The following DYRK1A variants were observed in gnomAD, a reference collection of about 807,000 sequenced individuals.
The protein encoded by DYRK1A is dual specificity tyrosine-phosphorylation-regulated kinase 1A.
In DYRK1A, 9 loss-of-function variants were observed where a neutral mutation model predicts 79.7. The observed-to-expected ratio is 0.11, with a 90% CI of 0.07 to 0.20. DYRK1A has a LOEUF of 0.20. Among genes scored for constraint, DYRK1A ranks in the 10% least tolerant of loss-of-function variants. The probability of loss-of-function intolerance (pLI) is 1.00; values close to 1 mark genes in which losing one functional copy is unlikely to be tolerated. For missense variants in DYRK1A, 622 were observed against 956.0 expected (o/e 0.65, Z 4.61); for synonymous variants, 349 against 329.7 (o/e 1.06, Z -0.63).
At chr21:37,422,476 T>C (rs1198074327) in intron 2 of DYRK1A, among the ~76,000 whole-genome samples, 4 of 152,190 alleles carry the variant, frequency 2.6e-5, no homozygotes, top group African/African-American at 9.7e-5. Flanking sequence ...AGTGGTCTGC[T>C]TTCTCTGGGC....
chr21:37,504,369 C>T (rs996361303), intron 9 of DYRK1A: 2 of 152,404 alleles, frequency 1.3e-5, no homozygotes, highest in Admixed American at 1.3e-4. Flanking sequence ...TCTTCTCGCT[C>T]ATCTGTGGCT....
chr21:37,422,910 A>C (rs2050514908), intron 2 of DYRK1A, among the ~76,000 whole-genome samples: 1 of 152,146 alleles, frequency 6.6e-6, no homozygotes, highest in African/African-American at 2.4e-5. Context: ...ACTTAATTTG[A>C]GAATCTTTTT....
intron 2 of DYRK1A, among the ~76,000 whole-genome samples, chr21:37,463,119 T>C (rs1490004091): frequency 6.6e-6 from 1 of 152,136 alleles, no homozygotes; most frequent in Non-Finnish European, 1.5e-5. Context: ...TCATTGTGTT[T>C]CTAGATAATT....
intron 2 of DYRK1A, among the ~76,000 whole-genome samples, chr21:37,448,895 G>A (rs566764129): frequency 1.2e-4 from 18 of 152,138 alleles, no homozygotes; most frequent in Admixed American, 5.9e-4. Flanking sequence ...ATGAGGTTTC[G>A]CTATGTTGTC....
At position 37,512,838 on chromosome 21, in the gene DYRK1A, A is replaced by G. The variant is rs1217243291; in HGVS notation, c.*307A>G. ...GTCTTTCTATTCAGCAAAAGTTAAT[A>G]TTCAGATGTTGGTCTTGGTCATTTG... is the stretch of plus-strand genomic sequence containing the variant. On this transcript the variant is annotated 3_prime_UTR_variant, in exon 12 of 12. Transcript: ENST00000647188. The G allele has an allele frequency of 1.5e-5, 5 of 326,862 alleles. No individual in the cohort carries two copies. The highest frequency in any genetic ancestry group is 4.2e-5 in the African/African-American group (2 of 47,640). The allele number at this position is 326,862 out of a possible 1,614,324, so 20.2% of individuals were successfully genotyped here. A position where few individuals can be genotyped will look rare whatever the true frequency, so the allele number is the denominator to read the frequency against.
intron 2 of DYRK1A, among the ~76,000 whole-genome samples, chr21:37,453,126 A>G (rs1038575481): frequency 1.4e-4 from 21 of 152,192 alleles, no homozygotes; most frequent in Non-Finnish European, 2.2e-4. Context: ...AAAAGAAAAA[A>G]GTACAAAGCA....
At chr21:37,369,225 CAG>C (rs554126658) in intron 1 of DYRK1A, among the ~76,000 whole-genome samples, 10 of 152,248 alleles carry the variant, frequency 6.6e-5, no homozygotes, top group South Asian at 2.1e-4. Context: ...TTTAATAACT[CAG>C]GGGAATTACC....
intron 8 of DYRK1A, among the ~76,000 whole-genome samples, chr21:37,494,728 A>G (rs1377166454): frequency 2.0e-5 from 3 of 151,894 alleles, no homozygotes; most frequent in African/African-American, 7.3e-5. Flanking sequence ...CAGGCAGATC[A>G]CTTGAGGTCA....
In DYRK1A at chr21:37,506,237, T is replaced by C. The variant is rs2053594295; in HGVS notation, c.1644+14T>C. On this transcript the variant is annotated intron_variant, in intron 11 of 11. Coordinates refer to ENST00000647188, the MANE Select transcript of DYRK1A (RefSeq NM_001347721.2). ...CACAGTCCCCAGGTGAGCTCGCACG[T>C]GGTTCATTTGCTTGTGTCACCTGCC... The C allele has an allele frequency of 6.2e-7, 1 of 1,613,918 alleles. No individual in the cohort carries two copies. Among genetic ancestry groups the C allele is most frequent in the Non-Finnish European group, 8.5e-7 (1 of 1,179,942 alleles).
chr21:37,413,902 A>G (rs1177907249), intron 1 of DYRK1A, among the ~76,000 whole-genome samples: 2 of 152,138 alleles, frequency 1.3e-5, no homozygotes, highest in Non-Finnish European at 2.9e-5. Context: ...CTGTTAGCAG[A>G]GGGGAAGAAG....
chr21:37,469,417 A>T (rs925134252), intron 2 of DYRK1A, among the ~76,000 whole-genome samples: 1 of 152,222 alleles, frequency 6.6e-6, no homozygotes, highest in Admixed American at 6.5e-5. Context: ...GACAAACTGC[A>T]GTTTATAGGC....
Position 37,403,663 on chromosome 21 carries a change from A to ATGTGTG in DYRK1A, c.-76-16604_-76-16599dup, listed in dbSNP as rs761056038. ...AAAAAAAAAAAATATATATATATATATGTGTGTGTGTGTGTGTGTGTGTGT... is the reference window on the plus strand; with the variant it reads ...AAAAAAAAAAAATATATATATATATATGTGTGTGTGTGTGTGTGTGTGTGTGTGTGT... On this transcript the variant is annotated intron_variant, in intron 1 of 11. Coordinates refer to ENST00000647188, the MANE Select transcript of DYRK1A (RefSeq NM_001347721.2). 1.7e-3 allele frequency among the ~76,000 whole-genome samples: 201 copies of ATGTGTG among 121,540 alleles called. 1 individual carries two copies. The highest frequency in any genetic ancestry group is 6.3e-3 in the South Asian group (21 of 3,350). The allele number at this position is 121,540 out of a possible 152,430, so 79.7% of individuals were successfully genotyped here. A position where few individuals can be genotyped will look rare whatever the true frequency, so the allele number is the denominator to read the frequency against.
chr21:37,477,424 T>G (rs946868113), intron 3 of DYRK1A, among the ~76,000 whole-genome samples: 2 of 152,158 alleles, frequency 1.3e-5, no homozygotes, highest in Non-Finnish European at 2.9e-5. Context: ...TGGACAGCAA[T>G]CCAGGATCAT....
intron 4 of DYRK1A, among the ~76,000 whole-genome samples, chr21:37,479,767 A>G (rs1306753387): frequency 1.3e-5 from 2 of 151,530 alleles, no homozygotes; most frequent in African/African-American, 4.8e-5. Context: ...AGCTGGGACT[A>G]CAGGTGCCCG....
At chr21:37,454,085 CTTTTT>C (rs571859735) in intron 2 of DYRK1A, among the ~76,000 whole-genome samples, 24 of 59,622 alleles carry the variant, frequency 4.0e-4, no homozygotes, top group East Asian at 1.2e-3. Flanking sequence ...ATGTAGTCTC[CTTTTT>C]TTTTTTTTTT....
At chr21:37,427,098 A>G (rs2050647154) in intron 2 of DYRK1A, among the ~76,000 whole-genome samples, 1 of 152,150 alleles carries the variant, frequency 6.6e-6, no homozygotes, top group Non-Finnish European at 1.5e-5. Flanking sequence ...ACTCAAGAAA[A>G]TTTGTTGAAA....
intron 1 of DYRK1A, among the ~76,000 whole-genome samples, chr21:37,388,119 T>C (rs1195193535): frequency 7.0e-6 from 1 of 143,266 alleles, no homozygotes; most frequent in Admixed American, 6.9e-5. Context: ...TTTTTTTTTT[T>C]TTTACTCTTG....
chr21:37,370,187 A>G (rs1388756865), intron 1 of DYRK1A, among the ~76,000 whole-genome samples: 2 of 151,952 alleles, frequency 1.3e-5, no homozygotes, highest in Non-Finnish European at 2.9e-5. Flanking sequence ...AATTCAAGAT[A>G]CCTTGTTATA....
intron 2 of DYRK1A, among the ~76,000 whole-genome samples, chr21:37,462,650 T>C (rs1569344557): frequency 6.6e-6 from 1 of 152,178 alleles, no homozygotes; most frequent in African/African-American, 2.4e-5. Flanking sequence ...GAGCTCCTTC[T>C]CTTTTTGTTA....
Sources: allele counts gnomAD v4.1 joint callset (sites outside exome capture counted in the v4.1 genomes callset), GRCh38; gene constraint gnomAD v4.1.1; transcripts MANE v1.5; gene names NCBI Gene and HGNC (gene_info 2026-07-23, HGNC 2026-07-21).